Variants in RAP1GAP observed in about 807,000 individuals in gnomAD.
RAP1GAP encodes the protein rap1 GTPase-activating protein 1.
In RAP1GAP, 35 loss-of-function variants were observed where a neutral mutation model predicts 87.2. The ratio of observed to expected loss-of-function variants is 0.40; its 90% CI spans 0.31 to 0.53. RAP1GAP has a LOEUF of 0.53. Ranked by LOEUF, RAP1GAP falls within the 20% of genes least tolerant of loss-of-function variation. RAP1GAP has a pLI of 0.48. For missense variants in RAP1GAP, 734 were observed against 898.9 expected (o/e 0.82, Z 2.35); for synonymous variants, 375 against 363.9 (o/e 1.03, Z -0.35).
chr1:21,643,556 C>CAAAAAAAA (rs58359978), intron 2 of RAP1GAP, among the ~76,000 whole-genome samples: 7 of 66,358 alleles, frequency 1.1e-4, no homozygotes, highest in South Asian at 4.8e-4. Flanking sequence ...GACTCCGTCT[C>CAAAAAAAA]AAAAAAAAAA....
intron 3 of RAP1GAP, 21 bp downstream of exon 3, chr1:21,626,279 CGTAG>C: frequency 1.3e-6 from 2 of 1,559,588 alleles, no homozygotes; most frequent in South Asian, 1.1e-5. Context: ...GACCAGGGGC[CGTAG>C]GTATGGAGGG....
chr1:21,610,296 C>T (rs1301587107), intron 13 of RAP1GAP, 21 bp from the exon 14 acceptor site: 1 of 1,613,638 alleles, frequency 6.2e-7, no homozygotes, highest in South Asian at 1.1e-5. Context: ...AGCCACGGGC[C>T]TTCGTGGTCT....
chr1:21,660,365 G>A lies in RAP1GAP; in HGVS notation c.-149+8889C>T, dbSNP rs147480589. Among the ~76,000 whole-genome samples, 3 of 39,124 alleles carry A rather than the reference G, an allele frequency of 7.7e-5. 1 individual carries two copies. The highest frequency in any genetic ancestry group is 1.8e-3 in the South Asian group (2 of 1,124). 25.7% of individuals were successfully genotyped at this position (39,124 alleles called of 152,430 possible). On this transcript the variant is annotated intron_variant, in intron 1 of 24. Coordinates refer to ENST00000374765, the MANE Select transcript of RAP1GAP (RefSeq NM_002885.4). ...TATATATATTTATTGAGACAGTCTCGCTCTGTCACCCAGGCTGGAGTGCAA... is the reference window on the plus strand; with the variant it reads ...TATATATATTTATTGAGACAGTCTCACTCTGTCACCCAGGCTGGAGTGCAA...
At chr1:21,618,772 G>A (rs538183133) in intron 5 of RAP1GAP, among the ~76,000 whole-genome samples, 5 of 152,224 alleles carry the variant, frequency 3.3e-5, no homozygotes, top group East Asian at 3.9e-4. Flanking sequence ...AGTGAAGACC[G>A]AGAGGAGGAG....
At chr1:21,620,447 G>A (rs1036754286) in intron 3 of RAP1GAP, among the ~76,000 whole-genome samples, 1 of 152,210 alleles carries the variant, frequency 6.6e-6, no homozygotes, top group Non-Finnish European at 1.5e-5. Context: ...AGTCAACCAG[G>A]CTCAGGCCAC....
rs1558648068 is a variant in RAP1GAP at position 21,608,194 on chromosome 1, T to G, written c.1296+19A>C. On this transcript the variant is annotated intron_variant, in intron 17 of 24. Coordinates refer to ENST00000374765, the MANE Select transcript of RAP1GAP (RefSeq NM_002885.4). Reference sequence around the variant, plus strand: ...GCCACGTCCCTGCTCCCCGGCCAGTTAGACCTGGGGCCCTTCACCTTGAAA... The same window carrying G: ...GCCACGTCCCTGCTCCCCGGCCAGTGAGACCTGGGGCCCTTCACCTTGAAA... 2 of 1,612,822 alleles carry G rather than the reference T, an allele frequency of 1.2e-6. No individual in the cohort carries two copies. Among genetic ancestry groups the G allele is most frequent in the Non-Finnish European group, 1.7e-6 (2 of 1,179,166 alleles).
At position 21,634,444 on chromosome 1, in the gene RAP1GAP, G is replaced by C. The variant is rs1225223557; in HGVS notation, c.-112-8047C>G. On this transcript the variant is annotated intron_variant, in intron 2 of 24. Transcript: ENST00000374765. This position sits in a 1 kb window ranked among gnomAD's most constrained non-coding sequence, Gnocchi z 4.1. ...GGATGCTATCTTCACCCATTTCAGAGATAAGGAGGCAGAGGCTTAGTGAGG... is the reference window on the plus strand; with the variant it reads ...GGATGCTATCTTCACCCATTTCAGACATAAGGAGGCAGAGGCTTAGTGAGG... 6.6e-6 allele frequency among the ~76,000 whole-genome samples: 1 copy of C among 152,210 alleles called. No individual in the cohort carries two copies. The highest frequency in any genetic ancestry group is 1.5e-5 in the Non-Finnish European group (1 of 68,024).
chr1:21,610,001 C>G, intron 14 of RAP1GAP, 119 bp downstream of exon 14: 3 of 1,250,640 alleles, frequency 2.4e-6, no homozygotes, highest in Non-Finnish European at 2.2e-6. Context: ...ACCATTGAAG[C>G]CTTCCATGGT....
chr1:21,632,462 G>T (rs887888547), intron 2 of RAP1GAP, among the ~76,000 whole-genome samples: 2 of 152,218 alleles, frequency 1.3e-5, no homozygotes, highest in African/African-American at 4.8e-5. Flanking sequence ...CCAATTGCCA[G>T]CAGGGCAAAC....
At chr1:21,597,907 C>CAT in intron 23 of RAP1GAP, 54 bp downstream of exon 23, 1 of 1,523,674 alleles carries the variant, frequency 6.6e-7, no homozygotes, top group Non-Finnish European at 8.9e-7. Flanking sequence ...CCCGCCAGCT[C>CAT]ATCCCCTCCC....
At chr1:21,649,127 A>G (rs1442904220) in intron 2 of RAP1GAP, among the ~76,000 whole-genome samples, 1 of 152,196 alleles carries the variant, frequency 6.6e-6, no homozygotes, top group Non-Finnish European at 1.5e-5. Flanking sequence ...TCAGGGTGCC[A>G]CGATGTATCC....
At chr1:21,632,003 C>G (rs1389507316) in intron 2 of RAP1GAP, among the ~76,000 whole-genome samples, 1 of 152,230 alleles carries the variant, frequency 6.6e-6, no homozygotes, top group Admixed American at 6.5e-5. Context: ...GGCCTGGACA[C>G]CTGCACGCTG....
intron 2 of RAP1GAP, among the ~76,000 whole-genome samples, chr1:21,637,011 T>C (rs894917240): frequency 6.6e-6 from 1 of 151,344 alleles, no homozygotes. Flanking sequence ...TACCGAGCTC[T>C]GCATCAAGCA....
At chr1:21,599,430 T>C in intron 21 of RAP1GAP, 64 bp downstream of exon 21, 2 of 1,555,484 alleles carry the variant, frequency 1.3e-6, no homozygotes, top group Non-Finnish European at 1.7e-6. Context: ...TCAGGGCATC[T>C]CCAGGGACCA....
intron 1 of RAP1GAP, among the ~76,000 whole-genome samples, chr1:21,664,574 G>C (rs1398089687): frequency 6.6e-6 from 1 of 152,134 alleles, no homozygotes; most frequent in Non-Finnish European, 1.5e-5. Flanking sequence ...TGTGCAACTG[G>C]TAATTCTACT....
At chr1:21,628,393 T>C (rs1347983440) in intron 2 of RAP1GAP, among the ~76,000 whole-genome samples, 1 of 81,374 alleles carries the variant, frequency 1.2e-5, no homozygotes, top group Non-Finnish European at 2.1e-5. Flanking sequence ...TGAAACCCCA[T>C]CTCTACTAAA....
intron 2 of RAP1GAP, 96 bp downstream of exon 2, chr1:21,649,665 G>T (rs1026318723): frequency 4.3e-6 from 6 of 1,383,598 alleles, no homozygotes; most frequent in Non-Finnish European, 6.0e-6. Context: ...GCTTGGTAAG[G>T]TCTGGCCTGG....
chr1:21,633,135 T>G (rs897926724), intron 2 of RAP1GAP, among the ~76,000 whole-genome samples: 2 of 152,230 alleles, frequency 1.3e-5, no homozygotes, highest in Non-Finnish European at 2.9e-5. Context: ...GCCACTCTCC[T>G]GGAGAGCCCA....
intron 1 of RAP1GAP, among the ~76,000 whole-genome samples, chr1:21,660,597 G>C (rs2097118553): frequency 6.6e-6 from 1 of 151,890 alleles, no homozygotes; most frequent in African/African-American, 2.4e-5. Flanking sequence ...GCCTCCCAAA[G>C]TGCCAGGATT....
Sources: gnomAD v4.1 joint callset for allele counts (sites outside exome capture counted in the v4.1 genomes callset) on GRCh38, gnomAD v4.1.1 for gene constraint, Gnocchi (gnomAD v3.1) non-coding constraint, MANE v1.5 for transcripts, NCBI Gene and HGNC (gene_info 2026-07-23, HGNC 2026-07-21) for gene names.